Variants in AGBL1 observed in about 807,000 individuals in gnomAD.
The protein encoded by AGBL1 is cytosolic carboxypeptidase 4.
In AGBL1, 130 loss-of-function variants were observed where a neutral mutation model predicts 118.9. That is an observed-to-expected ratio of 1.09 (90% confidence interval 0.95 to 1.26). The LOEUF (loss-of-function observed/expected upper bound fraction) is 1.26, where lower values mean the gene tolerates loss of function less well. Among genes scored for constraint, AGBL1 ranks in the 50% most tolerant of loss-of-function variants. The pLI, the probability that AGBL1 is intolerant of heterozygous loss-of-function variation, is 0.00. For synonymous variants in AGBL1, 555 were observed against 478.9 expected (o/e 1.16, Z -2.08); for missense variants, 1,584 against 1,298.1 (o/e 1.22, Z -3.38).
intron 22 of AGBL1, among the ~76,000 whole-genome samples, chr15:86,878,449 CTT>C (rs1416717086): frequency 4.6e-5 from 7 of 152,140 alleles, no homozygotes; most frequent in African/African-American, 1.4e-4. Flanking sequence ...GAAAAATACT[CTT>C]TTCTCCACAA....
At chr15:86,734,755 G>A (rs1423129387) in intron 22 of AGBL1, among the ~76,000 whole-genome samples, 1 of 152,158 alleles carries the variant, frequency 6.6e-6, no homozygotes, top group Admixed American at 6.5e-5. Context: ...CCTTCCCACT[G>A]GCAGCCTCTT....
At chr15:86,153,021 G>T (rs992222103) in intron 3 of AGBL1, among the ~76,000 whole-genome samples, 1 of 152,154 alleles carries the variant, frequency 6.6e-6, no homozygotes, top group Non-Finnish European at 1.5e-5. Context: ...ACAGATGCTG[G>T]GGAGGATGTG....
chr15:86,307,750 G>A (rs568956449), intron 17 of AGBL1, among the ~76,000 whole-genome samples: 13 of 151,968 alleles, frequency 8.6e-5, no homozygotes, highest in Admixed American at 8.5e-4. Flanking sequence ...AAAAAATTAG[G>A]TCTTCTCTAA....
At chr15:86,781,278 G>C (rs557510127) in intron 22 of AGBL1, among the ~76,000 whole-genome samples, 1 of 152,038 alleles carries the variant, frequency 6.6e-6, no homozygotes, top group African/African-American at 2.4e-5. Flanking sequence ...TTTAGTTTTA[G>C]CTCTATATTT....
intron 1 of AGBL1, among the ~76,000 whole-genome samples, chr15:86,114,129 C>T (rs1156836009): frequency 2.0e-5 from 3 of 152,216 alleles, no homozygotes; most frequent in Non-Finnish European, 2.9e-5. Context: ...AAATGGAAAT[C>T]CAATAGCTGT....
intron 22 of AGBL1, among the ~76,000 whole-genome samples, chr15:86,869,329 A>G (rs1596570817): frequency 6.6e-6 from 1 of 151,982 alleles, no homozygotes; most frequent in Non-Finnish European, 1.5e-5. Flanking sequence ...AGCTGCTCCC[A>G]CCCACCACAG....
chr15:86,671,919 T>C (rs1387768507), intron 21 of AGBL1, among the ~76,000 whole-genome samples: 1 of 152,202 alleles, frequency 6.6e-6, no homozygotes, highest in Non-Finnish European at 1.5e-5. Context: ...CCTCAGTCTT[T>C]GCCTTTGAAA....
chr15:86,153,081 A>T (rs551013529), intron 3 of AGBL1, among the ~76,000 whole-genome samples: 313 of 152,346 alleles, frequency 2.1e-3, no homozygotes, highest in African/African-American at 7.4e-3. Flanking sequence ...AATTAGTTCA[A>T]CCATTGTGGA....
At chr15:86,632,487 T>C (rs2084990594) in intron 21 of AGBL1, among the ~76,000 whole-genome samples, 2 of 152,046 alleles carry the variant, frequency 1.3e-5, no homozygotes, top group Admixed American at 6.6e-5. Flanking sequence ...ATTACGTAGT[T>C]GCAACTCATG....
chr15:86,731,261 C>T (rs1169858213), intron 22 of AGBL1, among the ~76,000 whole-genome samples: 2 of 152,098 alleles, frequency 1.3e-5, no homozygotes, highest in East Asian at 3.9e-4. Context: ...ATTGACCATC[C>T]TAGAAAGAAG....
chr15:86,224,731 C>T (rs955903965), intron 5 of AGBL1, among the ~76,000 whole-genome samples, 183 bp from the exon 6 acceptor site: 5 of 152,178 alleles, frequency 3.3e-5, no homozygotes, highest in Non-Finnish European at 4.4e-5. Context: ...ACGGACACTT[C>T]GCTCAGCGTT....
chr15:86,414,358 G>T (rs1444556408), intron 18 of AGBL1, among the ~76,000 whole-genome samples: 1 of 152,136 alleles, frequency 6.6e-6, no homozygotes, highest in Non-Finnish European at 1.5e-5. Context: ...GTTCTGTGTA[G>T]AGATGGTCAA....
At chr15:86,327,787 C>A (rs547318398) in intron 17 of AGBL1, among the ~76,000 whole-genome samples, 17 of 152,240 alleles carry the variant, frequency 1.1e-4, no homozygotes, top group African/African-American at 3.4e-4. Context: ...TGTGACTTGC[C>A]TAATTACTTG....
intron 17 of AGBL1, among the ~76,000 whole-genome samples, chr15:86,344,791 T>C (rs2080511397): frequency 6.6e-6 from 1 of 152,086 alleles, no homozygotes; most frequent in African/African-American, 2.4e-5. Flanking sequence ...AATGTTCTTA[T>C]TACCTAAAAT....
chr15:87,028,983 A>G lies in AGBL1; in HGVS notation c.*143A>G, dbSNP rs2081761563. The G allele has an allele frequency of 5.3e-6, 4 of 760,854 alleles. No homozygotes were observed. The South Asian group carries it at 5.4e-5, about 10-fold the overall frequency. 47.1% of individuals were successfully genotyped at this position (760,854 alleles called of 1,614,324 possible). ...TGCTCCATCATCCCTGCACTCCCTT[A>G]TCTAGTATATCTACCTCCATAAGAA... On this transcript the variant is annotated 3_prime_UTR_variant, in exon 25 of 25. Transcript: ENST00000441037.
At chr15:86,105,392 T>C (rs1454677238) in intron 1 of AGBL1, 1 of 152,156 alleles carries the variant, frequency 6.6e-6, no homozygotes, top group Non-Finnish European at 1.5e-5. Flanking sequence ...CATATACAAA[T>C]TACCTTACCT....
At chr15:86,308,400 T>C (rs935099586) in intron 17 of AGBL1, among the ~76,000 whole-genome samples, 3 of 152,212 alleles carry the variant, frequency 2.0e-5, no homozygotes, top group East Asian at 1.9e-4. Context: ...TGAGAGAAGA[T>C]GTGGCCATCT....
chr15:86,606,849 C>T (rs957569730), intron 21 of AGBL1, among the ~76,000 whole-genome samples: 17 of 152,134 alleles, frequency 1.1e-4, no homozygotes. Context: ...ACATTAGGAT[C>T]ATTCTTTGTG....
At chr15:86,935,958 A>C (rs1442747407) in intron 23 of AGBL1, among the ~76,000 whole-genome samples, 1 of 152,258 alleles carries the variant, frequency 6.6e-6, no homozygotes, top group Non-Finnish European at 1.5e-5. Context: ...CTGGGAGCTC[A>C]GTGAAAGACT....
Sources: allele counts gnomAD v4.1 joint callset (sites outside exome capture counted in the v4.1 genomes callset), GRCh38; gene constraint gnomAD v4.1.1; transcripts MANE v1.5; gene names NCBI Gene and HGNC (gene_info 2026-07-23, HGNC 2026-07-21).